GRTP1: variants seen among roughly 807,000 people sequenced by gnomAD.
GRTP1 encodes the protein growth hormone regulated TBC protein 1.
In GRTP1, 56 loss-of-function variants were observed where a neutral mutation model predicts 38.1. The ratio of observed to expected loss-of-function variants is 1.47; its 90% CI spans 1.19 to 1.84. The LOEUF (loss-of-function observed/expected upper bound fraction) is 1.84. GRTP1 is among the 40% of genes most tolerant of loss of function. GRTP1 has a pLI of 0.00. For missense variants in GRTP1, 506 were observed against 453.9 expected, an observed-to-expected ratio of 1.11 and a Z score of -1.04; for synonymous variants, 217 against 189.5, an observed-to-expected ratio of 1.14 and a Z score of -1.19.
At chr13:113,326,523 T>C (rs927378376) in intron 5 of GRTP1, among the ~76,000 whole-genome samples, 1 of 151,824 alleles carries the variant, frequency 6.6e-6, no homozygotes, top group South Asian at 2.1e-4. Flanking sequence ...ATACAAAAAT[T>C]AGCCAGGTGT....
At position 113,324,178 on chromosome 13, in the gene GRTP1, C is replaced by T. The variant is rs2042725862; in HGVS notation, c.*310G>A. The T allele has an allele frequency of 1.5e-5, 5 of 334,076 alleles. No individual in the cohort carries two copies. The South Asian group carries it at 4.8e-4, about 32-fold the overall frequency. 20.7% of individuals were successfully genotyped at this position (334,076 alleles called of 1,614,324 possible). A position where few individuals can be genotyped will look rare whatever the true frequency, so the allele number is the denominator to read the frequency against. ...ACTCACTATGTTAATTTCCAGTCAG[C>T]TGAGAAACTGATCACAAACACAGGT... On this transcript the variant is annotated 3_prime_UTR_variant, in exon 8 of 8. Coordinates refer to ENST00000375431, the MANE Select transcript of GRTP1 (RefSeq NM_024719.4).
chr13:113,327,551 C>T (rs774697664), intron 5 of GRTP1, among the ~76,000 whole-genome samples: 5 of 152,234 alleles, frequency 3.3e-5, no homozygotes, highest in Non-Finnish European at 5.9e-5. Context: ...GGTCCTGTCA[C>T]TGCTTTTCAG....
chr13:113,326,061 T>C lies in GRTP1; in HGVS notation c.593A>G (p.Lys198Arg), dbSNP rs746036880. 19 of 1,611,690 alleles carry C rather than the reference T, an allele frequency of 1.2e-5. 1 individual carries two copies. The South Asian group carries it at 2.0e-4, about 17-fold the overall frequency. Residue 198 changes from lysine (K) to arginine (R), a missense_variant, in exon 6 of 8, where the codon AAG (lysine) becomes AGG (arginine). Coordinates refer to ENST00000375431, the MANE Select transcript of GRTP1 (RefSeq NM_024719.4). ...CTCCCCGAGGACCTCCTGGTCGGTC[T>C]TCAGGCCCAGCATGGCCGGGCTGTA... ...DYYSPAMLGL[K>R]TDQEVLGELV...
rs192910676 is a variant in GRTP1, at chr13:113,348,495, G to A, written c.465+2354C>T. The stretch of plus-strand genomic sequence containing the variant: ...TGCCACACATTGAACTGTGTTGCCC[G>A]CCCCAAAATTCATCTGTTGAAGTCC... On this transcript the variant is annotated intron_variant, in intron 4 of 7. Coordinates refer to ENST00000375431, the MANE Select transcript of GRTP1 (RefSeq NM_024719.4). This position sits in a 1 kb window ranked among gnomAD's most constrained non-coding sequence, Gnocchi z 4.8. Among the ~76,000 whole-genome samples the A allele has an allele frequency of 1.5e-3, 223 of 152,196 alleles. 2 individuals are homozygous for A. The highest frequency in any genetic ancestry group is 5.1e-3 in the African/African-American group (210 of 41,516).
chr13:113,324,820 T>G, intron 7 of GRTP1: 1 of 1,232,008 alleles, frequency 8.1e-7, no homozygotes. Context: ...GCCATCTGCT[T>G]CCATTAGACT....
At position 113,334,256 on chromosome 13, in the gene GRTP1, T is replaced by C. The variant is rs552890824; in HGVS notation, c.563-8165A>G. 2.8e-3 allele frequency among the ~76,000 whole-genome samples: 421 copies of C among 152,228 alleles called. 2 individuals are homozygous for C. Among genetic ancestry groups the C allele is most frequent in the African/African-American group, 9.6e-3 (397 of 41,498 alleles). ...CGAGAGGGAGGGACCTGCTTCCCCTTCGTCCCCACCCTGCACTGCCACGAC... is the reference window on the plus strand; with the variant it reads ...CGAGAGGGAGGGACCTGCTTCCCCTCCGTCCCCACCCTGCACTGCCACGAC... On this transcript the variant is annotated intron_variant, in intron 5 of 7. Transcript: ENST00000375431.
At chr13:113,332,289 C>T (rs1320492459) in intron 5 of GRTP1, among the ~76,000 whole-genome samples, 1 of 149,960 alleles carries the variant, frequency 6.7e-6, no homozygotes, top group Non-Finnish European at 1.5e-5. Context: ...CGTGCACACA[C>T]ACACCACACG....
intron 4 of GRTP1, among the ~76,000 whole-genome samples, chr13:113,345,553 G>A (rs564974392): frequency 3.9e-5 from 6 of 152,338 alleles, no homozygotes; most frequent in South Asian, 2.1e-4. Flanking sequence ...CGTTTTACAC[G>A]ACTGAAATTC....
At chr13:113,333,392 C>T (rs555534263) in intron 5 of GRTP1, among the ~76,000 whole-genome samples, 5 of 152,328 alleles carry the variant, frequency 3.3e-5, no homozygotes, top group African/African-American at 7.2e-5. Context: ...GCCAAACTCA[C>T]GAATGCACCC....
intron 5 of GRTP1, 171 bp from the exon 6 acceptor site, chr13:113,326,262 C>A (rs1409166315): frequency 6.5e-6 from 2 of 306,044 alleles, no homozygotes; most frequent in African/African-American, 4.5e-5. Flanking sequence ...ACACAGGGCT[C>A]ATGGGGAGCG....
intron 5 of GRTP1, among the ~76,000 whole-genome samples, chr13:113,333,099 G>C (rs1305216231): frequency 1.3e-5 from 2 of 152,244 alleles, no homozygotes; most frequent in Non-Finnish European, 2.9e-5. Context: ...CAGTCTGCAG[G>C]AAATTTCGAG....
Position 113,361,257 on chromosome 13 carries a change from G to A in GRTP1, c.181+2505C>T, listed in dbSNP as rs962082865. ...CAAAAACAAAACTGTTGACTTAGGTGTAAAATAATTGCAAAGGAGTGGGGA... is the reference window on the plus strand; with the variant it reads ...CAAAAACAAAACTGTTGACTTAGGTATAAAATAATTGCAAAGGAGTGGGGA... On this transcript the variant is annotated intron_variant, in intron 2 of 7. Transcript: ENST00000375431. Among the ~76,000 whole-genome samples the A allele has an allele frequency of 2.7e-5, 4 of 145,520 alleles. No individual in the cohort carries two copies. In the East Asian group the frequency reaches 6.0e-4, roughly 22 times the overall value.
rs1209365870 is a variant in GRTP1 at position 113,349,782 on chromosome 13, TC to T, written c.465+1066del. ...GGCTGTCCAGGCAGGGGCTCCACAC[TC>T]CTCCAAACGTTCACTCAAACTGCAT... On this transcript the variant is annotated intron_variant, in intron 4 of 7. Coordinates refer to ENST00000375431, the MANE Select transcript of GRTP1 (RefSeq NM_024719.4). The surrounding 1 kb of genome is among the most constrained non-coding windows in gnomAD (Gnocchi z 5.0). 6.6e-6 allele frequency among the ~76,000 whole-genome samples: 1 copy of T among 152,074 alleles called. No homozygotes were observed. The highest frequency in any genetic ancestry group is 1.5e-5 in the Non-Finnish European group (1 of 68,012).
chr13:113,347,585 T>A (rs1384727408), intron 4 of GRTP1, among the ~76,000 whole-genome samples: 3 of 76,690 alleles, frequency 3.9e-5, no homozygotes, highest in Non-Finnish European at 5.9e-5. Context: ...AGGACCTCTG[T>A]GGCTGAGAAC....
intron 5 of GRTP1, among the ~76,000 whole-genome samples, chr13:113,336,377 A>C (rs1465405507): frequency 1.3e-5 from 2 of 151,984 alleles, no homozygotes; most frequent in African/African-American, 4.8e-5. Context: ...AGGGTTCCTC[A>C]CCCTCTAGGT....
intron 2 of GRTP1, among the ~76,000 whole-genome samples, chr13:113,363,338 G>C (rs529290136): frequency 6.6e-6 from 1 of 152,360 alleles, no homozygotes; most frequent in Non-Finnish European, 1.5e-5. Context: ...CTCCAGAGTA[G>C]CTGGGACTAC....
rs572473341 is a variant in GRTP1, at chr13:113,349,332, G to C, written c.465+1517C>G. On this transcript the variant is annotated intron_variant, in intron 4 of 7. Transcript: ENST00000375431. This position sits in a 1 kb window ranked among gnomAD's most constrained non-coding sequence, Gnocchi z 5.0. ...GCCCCTCGAGCAGCCGGGACCACAG[G>C]CGTGTGCCACCACACCCCGCTAATT... Among the ~76,000 whole-genome samples the C allele has an allele frequency of 6.6e-6, 1 of 152,034 alleles. No homozygotes were observed. The highest frequency in any genetic ancestry group is 6.5e-5 in the Admixed American group (1 of 15,276).
intron 4 of GRTP1, 140 bp from the exon 5 acceptor site, chr13:113,345,099 T>C: frequency 1.1e-6 from 1 of 935,056 alleles, no homozygotes; most frequent in South Asian, 1.9e-5. Context: ...AATGATCCTT[T>C]AGTAGAACTC....
At chr13:113,362,248 T>G (rs531589659) in intron 2 of GRTP1, among the ~76,000 whole-genome samples, 1 of 152,208 alleles carries the variant, frequency 6.6e-6, no homozygotes, top group South Asian at 2.1e-4. Context: ...GAGAATCACT[T>G]GAACCCAGGA....
Sources: allele counts gnomAD v4.1 joint callset (sites outside exome capture counted in the v4.1 genomes callset), GRCh38; gene constraint gnomAD v4.1.1; non-coding constraint Gnocchi (gnomAD v3.1); transcripts MANE v1.5; gene names NCBI Gene and HGNC (gene_info 2026-07-23, HGNC 2026-07-21).